OXR1: variants seen among roughly 807,000 people sequenced by gnomAD.
OXR1 encodes oxidation resistance protein 1.
In OXR1, 41 loss-of-function variants were observed where a neutral mutation model predicts 104.6. That is an observed-to-expected ratio of 0.39 (90% CI 0.31 to 0.51). The LOEUF is 0.51. OXR1 is among the 20% of genes least tolerant of loss of function. The pLI is 0.77. For missense variants in OXR1, 955 were observed against 1,031.9 expected (o/e 0.93, Z 1.02); for synonymous variants, 348 against 348.4 (o/e 1.00, Z 0.01).
intron 3 of OXR1, among the ~76,000 whole-genome samples, chr8:106,651,268 T>C (rs1214563686): frequency 6.6e-6 from 1 of 152,222 alleles, no homozygotes; most frequent in Non-Finnish European, 1.5e-5. Context: ...ATATTTGCAT[T>C]CCTCTTATTA....
At position 106,487,578 on chromosome 8, in the gene OXR1, C is replaced by A. The variant is rs184120102; in HGVS notation, c.24-31365C>A. ...CCCGATGCTATCCCTCCCCACCCCCCAACCCCACAACAGTCCCCAGAGTGT... is the reference window on the plus strand; with the variant it reads ...CCCGATGCTATCCCTCCCCACCCCCAAACCCCACAACAGTCCCCAGAGTGT... On this transcript the variant is annotated intron_variant, in intron 2 of 16. Coordinates refer to ENST00000517566, the MANE Select transcript of OXR1 (RefSeq NM_001198533.2). 3.9e-3 allele frequency among the ~76,000 whole-genome samples: 598 copies of A among 151,418 alleles called. 4 individuals carry two copies. The highest frequency in any genetic ancestry group is 0.014 in the African/African-American group (571 of 41,210).
chr8:106,460,744 G>C (rs1019710543), intron 2 of OXR1, among the ~76,000 whole-genome samples: 19 of 152,114 alleles, frequency 1.2e-4, no homozygotes, highest in Non-Finnish European at 1.2e-4. Flanking sequence ...AGGCAAAATC[G>C]TTCCCTGTAC....
chr8:106,694,824 C>T (rs1181967574), intron 7 of OXR1, among the ~76,000 whole-genome samples: 2 of 112,094 alleles, frequency 1.8e-5, no homozygotes, highest in Non-Finnish European at 3.4e-5. Context: ...TAGATAAATA[C>T]ATTTATATAT....
intron 3 of OXR1, among the ~76,000 whole-genome samples, chr8:106,622,939 C>A (rs894022584): frequency 1.3e-5 from 2 of 152,184 alleles, no homozygotes; most frequent in African/African-American, 4.8e-5. Flanking sequence ...TCAGTTAACC[C>A]TGTACCCTCA....
At chr8:106,331,720 A>G (rs7838951) in intron 1 of OXR1, among the ~76,000 whole-genome samples, 47,844 of 151,952 alleles carry the variant, frequency 0.31, 10,053 homozygotes, top group African/African-American at 0.6. Context: ...TGGGCGGATC[A>G]TATCAGGCCA....
intron 2 of OXR1, among the ~76,000 whole-genome samples, chr8:106,442,767 C>T (rs1050377521): frequency 5.9e-5 from 9 of 152,104 alleles, no homozygotes; most frequent in African/African-American, 1.9e-4. Flanking sequence ...GTGATATCCC[C>T]GTTATCATTT....
At chr8:106,420,140 CAT>C (rs1818845313) in intron 2 of OXR1, among the ~76,000 whole-genome samples, 1 of 152,050 alleles carries the variant, frequency 6.6e-6, no homozygotes, top group Non-Finnish European at 1.5e-5. Flanking sequence ...AGAAATTTAA[CAT>C]ATAAGAAACT....
intron 2 of OXR1, among the ~76,000 whole-genome samples, chr8:106,441,865 G>A (rs966153765): frequency 6.6e-6 from 1 of 152,168 alleles, no homozygotes; most frequent in African/African-American, 2.4e-5. Context: ...TCTGCAAACA[G>A]TAACAACTTG....
At chr8:106,590,255 G>A (rs1365104435) in intron 3 of OXR1, among the ~76,000 whole-genome samples, 6 of 152,080 alleles carry the variant, frequency 3.9e-5, no homozygotes, top group Non-Finnish European at 8.8e-5. Flanking sequence ...AAATGACTGC[G>A]GCAATACAGG....
At chr8:106,480,969 A>G (rs75052461) in intron 2 of OXR1, among the ~76,000 whole-genome samples, 8,179 of 152,110 alleles carry the variant, frequency 0.054, 295 homozygotes, top group African/African-American at 0.092. Flanking sequence ...CTGAGTAAAA[A>G]TAAATTGGTA....
chr8:106,407,283 G>A (rs1274927319), intron 2 of OXR1, among the ~76,000 whole-genome samples: 1 of 152,090 alleles, frequency 6.6e-6, no homozygotes, highest in Non-Finnish European at 1.5e-5. Flanking sequence ...AATAATGCTG[G>A]GATTTGTCTG....
At chr8:106,490,018 C>T (rs945060085) in intron 2 of OXR1, among the ~76,000 whole-genome samples, 2 of 152,090 alleles carry the variant, frequency 1.3e-5, no homozygotes, top group Admixed American at 1.3e-4. Flanking sequence ...TGGGATCACC[C>T]AACCATAGCC....
chr8:106,516,526 G>A (rs746026762), intron 2 of OXR1, among the ~76,000 whole-genome samples: 1 of 152,066 alleles, frequency 6.6e-6, no homozygotes, highest in African/African-American at 2.4e-5. Context: ...GTAGGGCGCT[G>A]GATAGGGAGA....
intron 3 of OXR1, among the ~76,000 whole-genome samples, chr8:106,572,530 A>G (rs970310435): frequency 1.3e-5 from 2 of 152,222 alleles, no homozygotes; most frequent in African/African-American, 4.8e-5. Flanking sequence ...GTTAGCAGTA[A>G]GGAGGACCCA....
intron 3 of OXR1, among the ~76,000 whole-genome samples, chr8:106,551,793 T>C (rs967276615): frequency 3.9e-5 from 5 of 127,162 alleles, no homozygotes; most frequent in Non-Finnish European, 6.5e-5. Flanking sequence ...ACTATACATA[T>C]ATATATATAT....
chr8:106,697,069 T>C (rs1830107377), intron 7 of OXR1, among the ~76,000 whole-genome samples: 1 of 152,000 alleles, frequency 6.6e-6, no homozygotes, highest in African/African-American at 2.4e-5. Flanking sequence ...CTCCCAGCCA[T>C]GGAATGAACG....
At chr8:106,493,724 T>C (rs1811247101) in intron 2 of OXR1, among the ~76,000 whole-genome samples, 1 of 152,202 alleles carries the variant, frequency 6.6e-6, no homozygotes, top group African/African-American at 2.4e-5. Context: ...TAATTGAATA[T>C]CAAGGTTATA....
At chr8:106,372,132 A>G (rs1402807979) in intron 2 of OXR1, among the ~76,000 whole-genome samples, 1 of 152,264 alleles carries the variant, frequency 6.6e-6, no homozygotes, top group East Asian at 1.9e-4. Context: ...GGGTTGGAAC[A>G]GTAGGCCTGG....
intron 3 of OXR1, among the ~76,000 whole-genome samples, chr8:106,632,463 T>C (rs1822769104): frequency 1.3e-5 from 2 of 152,222 alleles, no homozygotes; most frequent in Non-Finnish European, 2.9e-5. Context: ...TTAAATGCAA[T>C]TAAATGTCTG....
Sources: allele counts gnomAD v4.1 joint callset (sites outside exome capture counted in the v4.1 genomes callset), GRCh38; gene constraint gnomAD v4.1.1; transcripts MANE v1.5; gene names NCBI Gene and HGNC (gene_info 2026-07-23, HGNC 2026-07-21).